The following NFIB variants were observed in gnomAD, a reference collection of about 807,000 sequenced individuals.
NFIB encodes the protein nuclear factor 1 B-type.
In NFIB, 11 loss-of-function variants were observed where a neutral mutation model predicts 61.5. The observed-to-expected ratio is 0.18, with a 90% CI of 0.11 to 0.30. NFIB has a LOEUF of 0.30. NFIB is among the 10% of genes least tolerant of loss of function. The probability of loss-of-function intolerance (pLI) is 1.00; values close to 1 mark genes in which losing one functional copy is unlikely to be tolerated. For synonymous variants in NFIB, 260 were observed against 216.5 expected, an observed-to-expected ratio of 1.20 and a Z score of -1.76; for missense variants, 471 against 608.9, an observed-to-expected ratio of 0.77 and a Z score of 2.38.
chr9:14,155,184 A>C (rs1305931284), intron 4 of NFIB, among the ~76,000 whole-genome samples: 1 of 152,188 alleles, frequency 6.6e-6, no homozygotes, highest in Non-Finnish European at 1.5e-5. Flanking sequence ...CATGCTAGTA[A>C]TAAGTAAAAG....
At chr9:14,479,489 T>C in the NFIB span, among the ~76,000 whole-genome samples, 18 of 152,322 alleles carry the variant, frequency 1.2e-4, no homozygotes, top group African/African-American at 4.1e-4. Context: ...TGAGGCTTAA[T>C]GCTAGAAGCT....
At chr9:14,427,807 G>A in the NFIB span, among the ~76,000 whole-genome samples, 16 of 152,080 alleles carry the variant, frequency 1.1e-4, no homozygotes, top group African/African-American at 3.4e-4. Context: ...GTATAAGCAG[G>A]AAATTTGAAA....
At chr9:14,520,531 C>T in the NFIB span, among the ~76,000 whole-genome samples, 1 of 152,314 alleles carries the variant, frequency 6.6e-6, no homozygotes, top group East Asian at 1.9e-4. Flanking sequence ...AGATCACATT[C>T]TGCAAAACAG....
rs1472944041 is a variant in NFIB at position 14,321,922 on chromosome 9, T to A, written c.109-14402A>T. On this transcript the variant is annotated intron_variant, in intron 1 of 8. Transcript: ENST00000380934. ...GAATAAAAGAAGCAAACAAAACCCA[T>A]CAGTTCAAAGCCACATACCATCGCA... 2.1e-5 allele frequency: 26 copies of A among 1,231,312 alleles called. No homozygotes were observed. The Admixed American group carries it at 2.5e-4, about 12-fold the overall frequency. 76.3% of individuals were successfully genotyped at this position (1,231,312 alleles called of 1,614,324 possible).
At chr9:14,465,088 G>T in the NFIB span, among the ~76,000 whole-genome samples, 3 of 152,158 alleles carry the variant, frequency 2.0e-5, no homozygotes, top group Admixed American at 6.5e-5. Flanking sequence ...TCATAAACAA[G>T]ATGTGCTTTG....
the NFIB span, among the ~76,000 whole-genome samples, chr9:14,477,876 A>T: frequency 2.3e-3 from 344 of 152,296 alleles, no homozygotes; most frequent in African/African-American, 7.9e-3. Flanking sequence ...TTGGCAAAAA[A>T]TAGTTCTTCT....
intron 4 of NFIB, among the ~76,000 whole-genome samples, chr9:14,153,135 G>T (rs535291292): frequency 6.6e-6 from 1 of 152,174 alleles, no homozygotes; most frequent in Non-Finnish European, 1.5e-5. Context: ...AGATCACATG[G>T]ATTCCATAAA....
At chr9:14,374,227 AATT>A (rs1022342579) in intron 1 of NFIB, among the ~76,000 whole-genome samples, 1 of 152,014 alleles carries the variant, frequency 6.6e-6, no homozygotes, top group African/African-American at 2.4e-5. Context: ...TTTCTTTTTA[AATT>A]ATTTTCTTTT....
intron 2 of NFIB, among the ~76,000 whole-genome samples, chr9:14,295,434 G>A (rs1416002844): frequency 2.0e-5 from 3 of 151,990 alleles, no homozygotes; most frequent in African/African-American, 7.3e-5. Flanking sequence ...AGATCATCCT[G>A]GCTAACACTG....
At chr9:14,122,958 A>C in intron 7 of NFIB, among the ~76,000 whole-genome samples, 1 of 152,168 alleles carries the variant, frequency 6.6e-6, no homozygotes, top group East Asian at 1.9e-4. Context: ...TTTAAAAATA[A>C]GAAAAGCAGG....
chr9:14,259,533 C>CA (rs1563952476), intron 2 of NFIB, among the ~76,000 whole-genome samples: 1 of 152,124 alleles, frequency 6.6e-6, no homozygotes, highest in African/African-American at 2.4e-5. Flanking sequence ...AGCATGGGCC[C>CA]ATGGGGCTTA....
chr9:14,405,063 C>T, the NFIB span, among the ~76,000 whole-genome samples: 94 of 152,168 alleles, frequency 6.2e-4, no homozygotes, highest in Non-Finnish European at 1.2e-3. Context: ...AGAGTTCTGG[C>T]TAATAGTTTG....
At position 14,087,580 on chromosome 9, in the gene NFIB, C is replaced by CT. The variant is rs201574652; in HGVS notation, c.*728dup. 193 of 220,868 alleles carry CT rather than the reference C, an allele frequency of 8.7e-4. No individual in the cohort carries two copies. Among genetic ancestry groups the CT allele is most frequent in the East Asian group, 1.7e-3 (26 of 15,300 alleles). 13.7% of individuals were successfully genotyped at this position (220,868 alleles called of 1,614,324 possible). On this transcript the variant is annotated 3_prime_UTR_variant, in exon 11 of 11. Transcript: ENST00000380953. ...GTTTTTTTCCTTTTTTCTTTTTTTCCTTTTTTTTTCATTTTTTCTTTTTTT... is the reference window on the plus strand; with the variant it reads ...GTTTTTTTCCTTTTTTCTTTTTTTCCTTTTTTTTTTCATTTTTTCTTTTTTT...
the NFIB span, among the ~76,000 whole-genome samples, chr9:14,458,365 C>T: frequency 6.6e-6 from 1 of 152,162 alleles, no homozygotes; most frequent in African/African-American, 2.4e-5. Flanking sequence ...TGGGATGTAT[C>T]TCAAAATAAT....
rs530612903 is a variant in NFIB, at chr9:14,381,829, A to G, written c.108+16695T>C. On this transcript the variant is annotated intron_variant, in intron 1 of 8. Coordinates refer to the NFIB transcript ENST00000380934. ...GCAGGGTACCAGAACCGTGCCTTGC[A>G]CATAGCAGCCACTCACAAAAATATC... Among the ~76,000 whole-genome samples the G allele has an allele frequency of 7.9e-5, 12 of 152,390 alleles. No individual in the cohort carries two copies. The East Asian group carries it at 2.3e-3, about 29-fold the overall frequency.
chr9:14,175,275 G>A lies in NFIB; in HGVS notation c.616+4452C>T, dbSNP rs573576128. Among the ~76,000 whole-genome samples the A allele has an allele frequency of 5.1e-4, 71 of 138,964 alleles. No individual in the cohort carries two copies. In the South Asian group the frequency reaches 0.013, roughly 26 times the overall value. 91.2% of individuals were successfully genotyped at this position (138,964 alleles called of 152,430 possible). ...TGCAAGCTCCGCCTCCCAGGTTCAC[G>A]CCACTCTCCTGCCTCAGCCTCCCCA... On this transcript the variant is annotated intron_variant, in intron 3 of 10. Coordinates refer to ENST00000380953, the MANE Select transcript of NFIB (RefSeq NM_001190737.2).
At chr9:14,425,099 G>A in the NFIB span, among the ~76,000 whole-genome samples, 2 of 152,216 alleles carry the variant, frequency 1.3e-5, no homozygotes, top group African/African-American at 2.4e-5. Context: ...GCCAAAATAA[G>A]TGTTTGGAAT....
rs35029845 is a variant in NFIB at position 14,082,668 on chromosome 9, GTTTT to G, written c.*5637_*5640del. On this transcript the variant is annotated 3_prime_UTR_variant, in exon 11 of 11. Transcript: ENST00000380953. ...GAGTTTTTTGGTAAACATTTTGCTG[GTTTT>G]TTTTTTTTGTTTGTTTCTTTCTTGT... 5.7e-5 allele frequency: 10 copies of G among 174,982 alleles called. No individual in the cohort carries two copies. The highest frequency in any genetic ancestry group is 9.1e-5 in the East Asian group (1 of 11,042). The allele number at this position is 174,982 out of a possible 1,614,324, so 10.8% of individuals were successfully genotyped here. A position where few individuals can be genotyped will look rare whatever the true frequency, so the allele number is the denominator to read the frequency against.
chr9:14,212,810 G>A (rs1328101873), intron 2 of NFIB, among the ~76,000 whole-genome samples: 7 of 152,100 alleles, frequency 4.6e-5, no homozygotes, highest in African/African-American at 1.4e-4. Context: ...GCCACCTTAC[G>A]CTAACAACTG....
Sources: gnomAD v4.1 joint callset for allele counts (sites outside exome capture counted in the v4.1 genomes callset) on GRCh38, gnomAD v4.1.1 for gene constraint, MANE v1.5 for transcripts, NCBI Gene and HGNC (gene_info 2026-07-23, HGNC 2026-07-21) for gene names.